PDE11A: variants seen among roughly 807,000 people sequenced by gnomAD.
PDE11A encodes the protein phosphodiesterase 11A.
Under a neutral mutation model 100.5 loss-of-function variants are expected in PDE11A, and 100 were observed. That is an observed-to-expected ratio of 1.00 (90% CI 0.85 to 1.18). The LOEUF is 1.18. Ranked by LOEUF, PDE11A falls within the 50% of genes most tolerant of loss-of-function variation. PDE11A has a pLI of 0.00. For missense variants in PDE11A, 1,141 were observed against 1,152.6 expected (o/e 0.99, Z 0.15); for synonymous variants, 381 against 420.8 (o/e 0.91, Z 1.16).
At chr2:178,022,667 T>C (rs1353504824) in intron 1 of PDE11A, among the ~76,000 whole-genome samples, 3 of 152,120 alleles carry the variant, frequency 2.0e-5, no homozygotes, top group African/African-American at 7.2e-5. Flanking sequence ...AAAAATGTGC[T>C]TGTTTCTGAA....
intron 9 of PDE11A, among the ~76,000 whole-genome samples, chr2:177,814,290 T>TTTAC (rs958884133): frequency 7.2e-5 from 11 of 151,872 alleles, no homozygotes; most frequent in African/African-American, 2.7e-4. Flanking sequence ...AAAATATATA[T>TTTAC]TCAGAAGTTG....
intron 4 of PDE11A, among the ~76,000 whole-genome samples, chr2:177,896,984 C>T (rs2084622047): frequency 6.6e-6 from 1 of 152,038 alleles, no homozygotes. Context: ...ACATTTTAGA[C>T]ATATACAGAT....
intron 19 of PDE11A, among the ~76,000 whole-genome samples, chr2:177,652,886 G>A (rs561320906): frequency 2.0e-5 from 3 of 152,178 alleles, no homozygotes; most frequent in African/African-American, 4.8e-5. Flanking sequence ...CATGCTTTTT[G>A]GTTTGCATCT....
intron 10 of PDE11A, among the ~76,000 whole-genome samples, chr2:177,753,918 T>A (rs183763548): frequency 1.9e-3 from 292 of 152,204 alleles, no homozygotes; most frequent in African/African-American, 6.5e-3. Context: ...ATACCACATT[T>A]GCCACTGAGA....
At chr2:177,938,020 G>C (rs890543937) in intron 2 of PDE11A, among the ~76,000 whole-genome samples, 1 of 152,024 alleles carries the variant, frequency 6.6e-6, no homozygotes, top group African/African-American at 2.4e-5. Flanking sequence ...TCCAACCTCA[G>C]GGATTAATAG....
At chr2:177,867,653 G>A (rs1018364203) in intron 5 of PDE11A, among the ~76,000 whole-genome samples, 5 of 152,114 alleles carry the variant, frequency 3.3e-5, no homozygotes, top group African/African-American at 1.2e-4. Flanking sequence ...TTAAACTCAG[G>A]AGGCAGAGGT....
chr2:177,872,647 C>T (rs2084158526), intron 5 of PDE11A, among the ~76,000 whole-genome samples: 1 of 152,178 alleles, frequency 6.6e-6, no homozygotes, highest in Middle Eastern at 3.2e-3. Context: ...CTAAAAACTA[C>T]ACTATTATAA....
intron 2 of PDE11A, among the ~76,000 whole-genome samples, chr2:178,093,789 T>G (rs2087452521): frequency 6.6e-6 from 1 of 152,146 alleles, no homozygotes; most frequent in East Asian, 1.9e-4. Flanking sequence ...AAATTCAGTT[T>G]TACACCATGG....
intron 2 of PDE11A, chr2:177,953,009 A>G (rs1489605544): frequency 1.3e-5 from 2 of 152,196 alleles, no homozygotes; most frequent in African/African-American, 4.8e-5. Context: ...AAAATATTTC[A>G]GATTTGTTGC....
intron 15 of PDE11A, among the ~76,000 whole-genome samples, chr2:177,690,124 T>C (rs2081021187): frequency 6.6e-6 from 1 of 152,184 alleles, no homozygotes; most frequent in East Asian, 1.9e-4. Flanking sequence ...TGATATCATA[T>C]GGATGGGGAT....
chr2:177,913,596 T>G (rs1432978865), intron 2 of PDE11A, among the ~76,000 whole-genome samples: 1 of 152,150 alleles, frequency 6.6e-6, no homozygotes, highest in Non-Finnish European at 1.5e-5. Context: ...ATGGCTACAG[T>G]CACACAATAT....
chr2:177,838,597 T>G (rs1359816204), intron 6 of PDE11A, among the ~76,000 whole-genome samples: 1 of 152,056 alleles, frequency 6.6e-6, no homozygotes, highest in Admixed American at 6.6e-5. Flanking sequence ...CAGTCAGATC[T>G]CCCCCAGAGG....
intron 5 of PDE11A, among the ~76,000 whole-genome samples, chr2:177,874,653 A>C (rs967621224): frequency 1.3e-5 from 2 of 152,236 alleles, no homozygotes; most frequent in Non-Finnish European, 2.9e-5. Context: ...CTTTTTTCCA[A>C]GCGGATGTTA....
intron 5 of PDE11A, among the ~76,000 whole-genome samples, chr2:177,856,951 C>T (rs1439757150): frequency 6.6e-6 from 1 of 151,926 alleles, no homozygotes; most frequent in Non-Finnish European, 1.5e-5. Context: ...ATTAAAGGAG[C>T]TCAATAAACT....
intron 19 of PDE11A, among the ~76,000 whole-genome samples, chr2:177,637,541 C>T (rs1206728951): frequency 6.6e-6 from 1 of 151,802 alleles, no homozygotes; most frequent in Non-Finnish European, 1.5e-5. Context: ...TGTCTTTTTT[C>T]CCCCTTCTGG....
chr2:177,634,501 G>T (rs2080007422), intron 19 of PDE11A, among the ~76,000 whole-genome samples: 1 of 150,296 alleles, frequency 6.7e-6, no homozygotes, highest in South Asian at 2.1e-4. Flanking sequence ...CGATTCTCTT[G>T]CTCAGCTTCC....
At chr2:177,872,452 C>G (rs989672974) in intron 5 of PDE11A, among the ~76,000 whole-genome samples, 1 of 152,132 alleles carries the variant, frequency 6.6e-6, no homozygotes, top group African/African-American at 2.4e-5. Flanking sequence ...TGGAGACCAA[C>G]AGGAGACTAG....
At chr2:177,863,608 C>G (rs932453888) in intron 5 of PDE11A, among the ~76,000 whole-genome samples, 3 of 152,004 alleles carry the variant, frequency 2.0e-5, no homozygotes, top group Non-Finnish European at 4.4e-5. Context: ...CATCATTAAT[C>G]ATCAGGGAAA....
chr2:177,796,076 T>A (rs952476166), intron 9 of PDE11A, among the ~76,000 whole-genome samples: 2 of 150,978 alleles, frequency 1.3e-5, no homozygotes, highest in African/African-American at 2.4e-5. Context: ...GCTGTAAGAT[T>A]TTAGCTACAG....
Sources: gnomAD v4.1 joint callset for allele counts (sites outside exome capture counted in the v4.1 genomes callset) on GRCh38, gnomAD v4.1.1 for gene constraint, MANE v1.5 for transcripts, NCBI Gene and HGNC (gene_info 2026-07-23, HGNC 2026-07-21) for gene names.